The following PDE10A variants were observed in gnomAD, a reference collection of about 807,000 sequenced individuals.
The protein encoded by PDE10A is phosphodiesterase 10A.
In PDE10A, 39 loss-of-function variants were observed where a neutral mutation model predicts 97.7. The ratio of observed to expected loss-of-function variants is 0.40; its 90% CI spans 0.31 to 0.52. The LOEUF is 0.52. Ranked by LOEUF, PDE10A falls within the 20% of genes least tolerant of loss-of-function variation. PDE10A has a pLI of 0.56. For missense variants in PDE10A, 731 were observed against 1,047.8 expected, an observed-to-expected ratio of 0.70 and a Z score of 4.17; for synonymous variants, 371 against 376.8, an observed-to-expected ratio of 0.98 and a Z score of 0.18.
intron 1 of PDE10A, chr6:165,775,101 A>G (rs1382511650): frequency 6.6e-6 from 1 of 152,086 alleles, no homozygotes; most frequent in Non-Finnish European, 1.5e-5. Context: ...TTCAGAAACA[A>G]TCTGCTCCGT....
At chr6:165,870,723 AATAG>A (rs1328227788) in intron 1 of PDE10A, among the ~76,000 whole-genome samples, 8 of 152,232 alleles carry the variant, frequency 5.3e-5, no homozygotes, top group East Asian at 3.8e-4. Flanking sequence ...GGAGAGGATA[AATAG>A]ATAAAGAAAA....
At chr6:165,384,799 C>T (rs1785183275) in intron 17 of PDE10A, among the ~76,000 whole-genome samples, 1 of 152,118 alleles carries the variant, frequency 6.6e-6, no homozygotes, top group Non-Finnish European at 1.5e-5. Flanking sequence ...CACTGGCAGC[C>T]ATAGTGAAAG....
chr6:165,425,486 T>C (rs1480882653), intron 10 of PDE10A, among the ~76,000 whole-genome samples: 1 of 152,034 alleles, frequency 6.6e-6, no homozygotes, highest in Non-Finnish European at 1.5e-5. Flanking sequence ...AACTGTAACA[T>C]ACCTGCATGA....
At chr6:165,571,091 A>G (rs529570733) in intron 1 of PDE10A, among the ~76,000 whole-genome samples, 2 of 152,346 alleles carry the variant, frequency 1.3e-5, no homozygotes, top group African/African-American at 4.8e-5. Context: ...AATCACATGA[A>G]CAGATGGATA....
intron 1 of PDE10A, among the ~76,000 whole-genome samples, chr6:165,809,746 C>G (rs1308827519): frequency 6.6e-6 from 1 of 152,164 alleles, no homozygotes; most frequent in Non-Finnish European, 1.5e-5. Flanking sequence ...ACTGCATGGT[C>G]CCTTCCCAGC....
At chr6:165,752,631 A>T (rs1793032717) in intron 1 of PDE10A, among the ~76,000 whole-genome samples, 1 of 152,244 alleles carries the variant, frequency 6.6e-6, no homozygotes, top group African/African-American at 2.4e-5. Flanking sequence ...GAAGAGACAT[A>T]GTTTTAATTG....
At chr6:165,399,676 T>G (rs1786478591) in intron 13 of PDE10A, among the ~76,000 whole-genome samples, 1 of 151,808 alleles carries the variant, frequency 6.6e-6, no homozygotes, top group Admixed American at 6.6e-5. Flanking sequence ...ACATGTGGTG[T>G]TTGGTTTTCT....
rs140762838 is a variant in PDE10A at position 165,980,528 on chromosome 6, A to C, written c.-615+7001T>G. On this transcript the variant is annotated intron_variant, in intron 1 of 19. Coordinates refer to the PDE10A transcript ENST00000366882. ...AAGGTAGTTTTATATATGCTGATAC[A>C]TTTCCAGGACACAGGTAAGTGGATA... 3.5e-3 allele frequency among the ~76,000 whole-genome samples: 527 copies of C among 152,366 alleles called. 13 individuals carry two copies. In the East Asian group the frequency reaches 0.038, roughly 11 times the overall value.
intron 1 of PDE10A, among the ~76,000 whole-genome samples, chr6:165,745,819 A>C (rs1348181248): frequency 2.0e-5 from 3 of 152,210 alleles, no homozygotes; most frequent in Non-Finnish European, 4.4e-5. Context: ...AAAATGTTAA[A>C]ACATGCAAGA....
At chr6:165,584,289 C>T (rs756466084) in intron 1 of PDE10A, among the ~76,000 whole-genome samples, 1 of 152,192 alleles carries the variant, frequency 6.6e-6, no homozygotes, top group Non-Finnish European at 1.5e-5. Flanking sequence ...GCCAGTCATG[C>T]TCATACACAT....
intron 1 of PDE10A, among the ~76,000 whole-genome samples, chr6:165,870,088 T>C (rs896302287): frequency 6.6e-6 from 1 of 151,888 alleles, no homozygotes; most frequent in Non-Finnish European, 1.5e-5. Flanking sequence ...AACAACAAAA[T>C]AGACAAACAG....
intron 1 of PDE10A, among the ~76,000 whole-genome samples, chr6:165,569,655 A>T (rs1784955479): frequency 6.6e-6 from 1 of 152,048 alleles, no homozygotes; most frequent in African/African-American, 2.4e-5. Context: ...GTCTTGTTAA[A>T]CTCATACCCT....
At position 165,662,172 on chromosome 6, in the gene PDE10A, G is replaced by GC. The variant is rs1168180142; in HGVS notation, c.639dup (p.Pro214AlafsTer60). 1.7e-5 allele frequency: 5 copies of GC among 301,254 alleles called. No individual in the cohort carries two copies. Among genetic ancestry groups the GC allele is most frequent in the Non-Finnish European group, 1.9e-5 (4 of 205,716 alleles). 18.7% of individuals were successfully genotyped at this position (301,254 alleles called of 1,614,324 possible). ...CCAAGGGGGAGCCGGGGCGGCGGCG[G>GC]CGGCCGGGGACCGGCACGGGCTGGA... On this transcript the variant is annotated frameshift_variant, in exon 1 of 22. Coordinates refer to ENST00000539869, the MANE Select transcript of PDE10A (RefSeq NM_001385079.1). LOFTEE classifies it high-confidence loss of function.
intron 1 of PDE10A, among the ~76,000 whole-genome samples, chr6:165,963,941 C>T (rs1285159562): frequency 6.6e-6 from 1 of 152,212 alleles, no homozygotes; most frequent in Admixed American, 6.5e-5. Flanking sequence ...GAAGGAAGGG[C>T]AAGAATCCGT....
intron 1 of PDE10A, among the ~76,000 whole-genome samples, chr6:165,877,037 T>C (rs1268509829): frequency 3.9e-5 from 6 of 152,216 alleles, no homozygotes; most frequent in African/African-American, 1.2e-4. Context: ...ACTAATAACC[T>C]GGATTCTGTA....
intron 1 of PDE10A, among the ~76,000 whole-genome samples, chr6:165,853,723 C>T (rs530349613): frequency 6.6e-6 from 1 of 152,326 alleles, no homozygotes; most frequent in Non-Finnish European, 1.5e-5. Flanking sequence ...CAATCAACCA[C>T]ATTTTAGCAG....
At chr6:165,628,754 A>C (rs1788499483) in intron 1 of PDE10A, among the ~76,000 whole-genome samples, 1 of 152,196 alleles carries the variant, frequency 6.6e-6, no homozygotes, top group Non-Finnish European at 1.5e-5. Flanking sequence ...CAAAATGGTT[A>C]ATTTTTAAAG....
intron 21 of PDE10A, among the ~76,000 whole-genome samples, chr6:165,335,818 G>A (rs529244002): frequency 6.6e-5 from 10 of 151,086 alleles, no homozygotes; most frequent in South Asian, 4.2e-4. Context: ...TCGGTCATCT[G>A]GGCCCTGACT....
At chr6:165,849,566 C>G (rs1434484168) in intron 1 of PDE10A, among the ~76,000 whole-genome samples, 1 of 152,226 alleles carries the variant, frequency 6.6e-6, no homozygotes, top group Non-Finnish European at 1.5e-5. Context: ...GAGAAAAACG[C>G]ACCTCATGTA....
Sources: gnomAD v4.1 joint callset for allele counts (sites outside exome capture counted in the v4.1 genomes callset) on GRCh38, gnomAD v4.1.1 for gene constraint, MANE v1.5 for transcripts, NCBI Gene and HGNC (gene_info 2026-07-23, HGNC 2026-07-21) for gene names.